The following TMEM74 variants were observed in gnomAD, a reference collection of about 807,000 sequenced individuals.
TMEM74 encodes the protein transmembrane protein 74.
TMEM74 carries 13 observed loss-of-function variants against 18.1 expected under a neutral mutation model. The ratio of observed to expected loss-of-function variants is 0.72; its 90% CI spans 0.47 to 1.14. The LOEUF is 1.14. TMEM74 is among the 50% of genes most tolerant of loss of function. The pLI is 0.00. For missense variants in TMEM74, 372 were observed against 375.9 expected, an observed-to-expected ratio of 0.99 and a Z score of 0.09; for synonymous variants, 159 against 146.6, an observed-to-expected ratio of 1.08 and a Z score of -0.61.
intron 1 of TMEM74, among the ~76,000 whole-genome samples, chr8:108,747,832 C>T (rs1033332210): frequency 1.3e-5 from 2 of 151,678 alleles, no homozygotes; most frequent in Admixed American, 6.6e-5. Context: ...TCTGTTCCTA[C>T]GTTAGTTTGC....
intron 1 of TMEM74, among the ~76,000 whole-genome samples, chr8:108,709,722 C>T (rs959399798): frequency 3.3e-5 from 5 of 151,850 alleles, no homozygotes; most frequent in African/African-American, 1.2e-4. Context: ...AAAAATACTC[C>T]CCAAAACAAA....
At chr8:108,681,234 G>A (rs1813111390) in intron 1 of TMEM74, among the ~76,000 whole-genome samples, 1 of 152,088 alleles carries the variant, frequency 6.6e-6, no homozygotes, top group Admixed American at 6.5e-5. Context: ...AAAGAACAAA[G>A]CCGGAGGCAT....
Position 108,782,243 on chromosome 8 carries a change from T to C in TMEM74, c.*1938A>G, listed in dbSNP as rs1814315954. Among the ~76,000 whole-genome samples, 1 of 152,146 alleles carries C rather than the reference T, an allele frequency of 6.6e-6. No homozygotes were observed. Among genetic ancestry groups the C allele is most frequent in the South Asian group, 2.1e-4 (1 of 4,820 alleles). The stretch of plus-strand genomic sequence containing the variant: ...AACTTATACCACTGGTAAGGCAGCC[T>C]CAACAAAAATCATGAAATGAGAGTC... On this transcript the variant is annotated 3_prime_UTR_variant, in exon 2 of 2. Transcript: ENST00000297459.
chr8:108,614,625 T>C (rs1563732472), intron 2 of TMEM74, among the ~76,000 whole-genome samples: 2 of 152,220 alleles, frequency 1.3e-5, no homozygotes, highest in South Asian at 4.1e-4. Context: ...AGAATTCACA[T>C]AGATCCTGAT....
At chr8:108,660,899 G>A (rs1812893823) in intron 1 of TMEM74, among the ~76,000 whole-genome samples, 1 of 152,050 alleles carries the variant, frequency 6.6e-6, no homozygotes, top group Non-Finnish European at 1.5e-5. Flanking sequence ...TTATGTATAT[G>A]CTGTATATAT....
At chr8:108,768,697 A>C (rs771644543) in intron 1 of TMEM74, among the ~76,000 whole-genome samples, 2 of 152,114 alleles carry the variant, frequency 1.3e-5, no homozygotes, top group Non-Finnish European at 2.9e-5. Flanking sequence ...AGTGCATATG[A>C]GGGTCCGCTT....
chr8:108,715,641 A>C (rs1813515874), intron 1 of TMEM74, among the ~76,000 whole-genome samples: 1 of 152,190 alleles, frequency 6.6e-6, no homozygotes, highest in Non-Finnish European at 1.5e-5. Context: ...TCACTAGTAC[A>C]TTAAAAAGCG....
At chr8:108,670,505 A>G (rs911033933) in intron 1 of TMEM74, among the ~76,000 whole-genome samples, 1 of 152,158 alleles carries the variant, frequency 6.6e-6, no homozygotes, top group Non-Finnish European at 1.5e-5. Flanking sequence ...CTGAGTCTTA[A>G]TGCACCATAT....
intron 1 of TMEM74, among the ~76,000 whole-genome samples, chr8:108,720,746 ATTTATTTATTAGTTT>A (rs1563534928): frequency 5.0e-5 from 7 of 139,014 alleles, no homozygotes; most frequent in East Asian, 2.1e-4. Context: ...TTATTTATTT[ATTTATTTATTAGTTT>A]GTTTGTTTGT....
At chr8:108,694,953 C>T (rs1813265937) in intron 1 of TMEM74, among the ~76,000 whole-genome samples, 1 of 152,262 alleles carries the variant, frequency 6.6e-6, no homozygotes, top group East Asian at 1.9e-4. Context: ...TTCCCCTTTG[C>T]CTTCAAGTTT....
intron 1 of TMEM74, among the ~76,000 whole-genome samples, chr8:108,657,887 T>TATATTAATTAC (rs1554630320): frequency 1.8e-5 from 2 of 113,480 alleles, no homozygotes; most frequent in African/African-American, 7.1e-5. Context: ...TATATATATA[T>TATATTAATTAC]ATATATATAT....
chr8:108,611,519 A>T, intron 2 of TMEM74, among the ~76,000 whole-genome samples: 1 of 152,362 alleles, frequency 6.6e-6, no homozygotes, highest in East Asian at 1.9e-4. Flanking sequence ...AGTTGTGCTC[A>T]TAGAAAACAT....
intron 1 of TMEM74, among the ~76,000 whole-genome samples, chr8:108,667,701 C>G (rs1812962838): frequency 6.6e-6 from 1 of 152,072 alleles, no homozygotes. Context: ...CATCATTTCT[C>G]CTTTGTCTGC....
At position 108,781,833 on chromosome 8, in the gene TMEM74, C is replaced by T. The variant is rs1053114581; in HGVS notation, c.*2348G>A. Among the ~76,000 whole-genome samples, 1 of 152,036 alleles carries T rather than the reference C, an allele frequency of 6.6e-6. No homozygotes were observed. The highest frequency in any genetic ancestry group is 1.5e-5 in the Non-Finnish European group (1 of 67,986). The stretch of plus-strand genomic sequence containing the variant: ...TCAAAATGTTACCTCTAGATCAAAT[C>T]TATATTATTTGGTAGCCCTGCAAGA... On this transcript the variant is annotated 3_prime_UTR_variant, in exon 2 of 2. Transcript: ENST00000297459.
intron 1 of TMEM74, among the ~76,000 whole-genome samples, chr8:108,667,966 A>G (rs1812966217): frequency 6.6e-6 from 1 of 152,166 alleles, no homozygotes; most frequent in South Asian, 2.1e-4. Context: ...CTGTAGTGGA[A>G]TAACTCTTGA....
chr8:108,641,625 A>C (rs1346517425), intron 2 of TMEM74, among the ~76,000 whole-genome samples: 1 of 152,174 alleles, frequency 6.6e-6, no homozygotes, highest in African/African-American at 2.4e-5. Flanking sequence ...CTTCAACAGA[A>C]GTATATCTCA....
rs115367480 is a variant in TMEM74 at position 108,687,630 on chromosome 8, C to G, written n.120-32193G>C. ...GCTTGTTTTTCTGCAACTAGATGGTCCCATCTTGGTCTGATGGGAGACAGT... is the reference window on the plus strand; with the variant it reads ...GCTTGTTTTTCTGCAACTAGATGGTGCCATCTTGGTCTGATGGGAGACAGT... On this transcript the variant is annotated intron_variant and non_coding_transcript_variant, in intron 1 of 3. Coordinates refer to the TMEM74 transcript ENST00000518838. 4.1e-3 allele frequency among the ~76,000 whole-genome samples: 617 copies of G among 152,144 alleles called. 5 individuals carry two copies. The highest frequency in any genetic ancestry group is 0.014 in the African/African-American group (596 of 41,486).
chr8:108,712,314 T>G (rs759997321), intron 1 of TMEM74, among the ~76,000 whole-genome samples: 13 of 152,214 alleles, frequency 8.5e-5, no homozygotes, highest in Non-Finnish European at 1.8e-4. Flanking sequence ...CAGCCTGAAT[T>G]ATAAATTGTA....
At chr8:108,702,305 A>C (rs944288119) in intron 1 of TMEM74, among the ~76,000 whole-genome samples, 1 of 149,076 alleles carries the variant, frequency 6.7e-6, no homozygotes, top group Non-Finnish European at 1.5e-5. Flanking sequence ...AGATTGAGCC[A>C]CTGCACTCCA....
Sources: allele counts gnomAD v4.1 joint callset (sites outside exome capture counted in the v4.1 genomes callset), GRCh38; gene constraint gnomAD v4.1.1; transcripts MANE v1.5; gene names NCBI Gene and HGNC (gene_info 2026-07-23, HGNC 2026-07-21).